Variants in TULP3 observed in about 807,000 individuals in gnomAD.
TULP3 encodes TUB like protein 3.
In TULP3, 38 loss-of-function variants were observed where a neutral mutation model predicts 50.7. That is an observed-to-expected ratio of 0.75 (90% CI 0.58 to 0.98). TULP3 has a LOEUF of 0.98. Among genes scored for constraint, TULP3 ranks in the 50% least tolerant of loss-of-function variants. The pLI, the probability that TULP3 is intolerant of heterozygous loss-of-function variation, is 0.00. For synonymous variants in TULP3, 183 were observed against 196.6 expected (o/e 0.93, Z 0.58); for missense variants, 550 against 568.0 (o/e 0.97, Z 0.32).
intron 1 of TULP3, among the ~76,000 whole-genome samples, chr12:2,908,528 C>T (rs1226921622): frequency 2.6e-5 from 4 of 152,042 alleles, no homozygotes; most frequent in Non-Finnish European, 5.9e-5. Context: ...CCGGTTCAAG[C>T]GATTCTCCTG....
intron 1 of TULP3, among the ~76,000 whole-genome samples, chr12:2,897,580 G>A (rs1040247062): frequency 6.6e-6 from 1 of 151,708 alleles, no homozygotes; most frequent in Admixed American, 6.6e-5. Flanking sequence ...AGACCAGCCT[G>A]GGCAACATAG....
In TULP3 at chr12:2,916,640, C is replaced by A. The variant is rs1474903541; in HGVS notation, c.94-4123C>A. Among the ~76,000 whole-genome samples the A allele has an allele frequency of 1.3e-5, 2 of 152,112 alleles. 1 individual carries two copies. The highest frequency in any genetic ancestry group is 2.9e-5 in the Non-Finnish European group (2 of 68,036). ...AATGAGTCCTTCATTGATGTAGCCT[C>A]GTTTAAAGCACTTTTAGGTTTTCAG... On this transcript the variant is annotated intron_variant, in intron 2 of 10. Coordinates refer to ENST00000448120, the MANE Select transcript of TULP3 (RefSeq NM_003324.5).
chr12:2,929,675 C>T (rs1222281822), intron 4 of TULP3, among the ~76,000 whole-genome samples: 3 of 152,000 alleles, frequency 2.0e-5, no homozygotes, highest in Non-Finnish European at 2.9e-5. Context: ...GCTGCAAGCT[C>T]CGCCTCCCAG....
intron 8 of TULP3, among the ~76,000 whole-genome samples, chr12:2,937,052 G>A (rs1478925801): frequency 6.6e-6 from 1 of 151,412 alleles, no homozygotes; most frequent in Non-Finnish European, 1.5e-5. Context: ...GTTGCAGTGA[G>A]CTGAGATTGT....
intron 1 of TULP3, among the ~76,000 whole-genome samples, chr12:2,899,907 C>A (rs12825920): frequency 0.023 from 866 of 36,980 alleles, 51 homozygotes; most frequent in African/African-American, 0.059. Flanking sequence ...AAAAAACAAA[C>A]AAAAAAAAAA....
At position 2,890,958 on chromosome 12, in the gene TULP3, C is replaced by T. The variant is rs777546129; in HGVS notation, c.11C>T (p.Ser4Leu). Residue 4 changes from serine to leucine, a missense_variant, in exon 1 of 11, where the codon TCG (serine) becomes TTG (leucine). Coordinates refer to ENST00000448120, the MANE Select transcript of TULP3 (RefSeq NM_003324.5). MEASRCRLSPSGDS... is the reference protein window; with the variant it reads MEALRCRLSPSGDS... ...TCCTCGGTGGCGGGCATGGAGGCTT[C>T]GCGCTGCCGGCTCAGTCCCAGCGGC... 2.5e-6 allele frequency: 4 copies of T among 1,595,576 alleles called. No individual in the cohort carries two copies. In the East Asian group the frequency reaches 6.9e-5, roughly 28 times the overall value.
intron 4 of TULP3, 53 bp from the exon 5 acceptor site, chr12:2,930,195 A>G: frequency 8.0e-7 from 1 of 1,243,986 alleles, no homozygotes; most frequent in Non-Finnish European, 1.1e-6. Flanking sequence ...TTTGTTTCAA[A>G]GACCTTTTTT....
intron 2 of TULP3, among the ~76,000 whole-genome samples, chr12:2,917,357 C>T (rs984545286): frequency 6.6e-6 from 1 of 151,718 alleles, no homozygotes; most frequent in African/African-American, 2.4e-5. Flanking sequence ...CTGTAATCCC[C>T]GCTACTCGGG....
chr12:2,906,644 A>G (rs1457569358), intron 1 of TULP3, among the ~76,000 whole-genome samples: 1 of 150,176 alleles, frequency 6.7e-6, no homozygotes. Flanking sequence ...TTTTTTAATT[A>G]AAAAAAAATG....
intron 2 of TULP3, among the ~76,000 whole-genome samples, chr12:2,912,424 A>G (rs988614123): frequency 6.6e-6 from 1 of 152,206 alleles, no homozygotes; most frequent in Admixed American, 6.5e-5. Flanking sequence ...CAAGGGATAC[A>G]GTGCACACCC....
At chr12:2,908,427 T>G (rs2098183625) in intron 1 of TULP3, among the ~76,000 whole-genome samples, 1 of 151,768 alleles carries the variant, frequency 6.6e-6, no homozygotes, top group African/African-American at 2.4e-5. Context: ...AGAGAGAGGT[T>G]GTTTTTTTCT....
chr12:2,929,153 C>T (rs1216572033), intron 4 of TULP3, among the ~76,000 whole-genome samples: 1 of 151,402 alleles, frequency 6.6e-6, no homozygotes, highest in African/African-American at 2.4e-5. Flanking sequence ...CCCGTCTCTA[C>T]TAAAAATACA....
Position 2,894,538 on chromosome 12 carries a change from A to AACACACACACACAC in TULP3, c.41+3565_41+3578dup, listed in dbSNP as rs56834874. Among the ~76,000 whole-genome samples, 363 of 147,820 alleles carry AACACACACACACAC rather than the reference A, an allele frequency of 2.5e-3. 2 individuals are homozygous for AACACACACACACAC. Among genetic ancestry groups the AACACACACACACAC allele is most frequent in the African/African-American group, 8.5e-3 (341 of 40,022 alleles). ...TGACAGAGCAAGACTCCGTCTCAAA[A>AACACACACACACAC]ACACACACACACACACACACACACA... is the stretch of plus-strand genomic sequence containing the variant. On this transcript the variant is annotated intron_variant, in intron 1 of 10. Transcript: ENST00000448120.
At chr12:2,906,582 G>C (rs1006304437) in intron 1 of TULP3, among the ~76,000 whole-genome samples, 7 of 151,412 alleles carry the variant, frequency 4.6e-5, no homozygotes, top group African/African-American at 1.7e-4. Flanking sequence ...ACCCACCTTG[G>C]CCTCCCAAAG....
chr12:2,940,832 C>T lies in TULP3; in HGVS notation c.*1388C>T. ...TTTCCATCTCAGGCATGTATCCCACCAAGTGCCTCCCTCACAGCCATGCCC... is the reference window on the plus strand; with the variant it reads ...TTTCCATCTCAGGCATGTATCCCACTAAGTGCCTCCCTCACAGCCATGCCC... On this transcript the variant is annotated 3_prime_UTR_variant, in exon 11 of 11. Coordinates refer to ENST00000448120, the MANE Select transcript of TULP3 (RefSeq NM_003324.5). The T allele has an allele frequency of 1.9e-6, 2 of 1,038,440 alleles. No homozygotes were observed. Among genetic ancestry groups the T allele is most frequent in the South Asian group, 3.3e-5 (2 of 60,564 alleles). 64.3% of individuals were successfully genotyped at this position (1,038,440 alleles called of 1,614,324 possible).
At chr12:2,923,258 A>G (rs2098192815) in intron 4 of TULP3, among the ~76,000 whole-genome samples, 1 of 152,262 alleles carries the variant, frequency 6.6e-6, no homozygotes, top group Non-Finnish European at 1.5e-5. Context: ...ACTTTGCATT[A>G]GGCAAACATT....
intron 4 of TULP3, among the ~76,000 whole-genome samples, chr12:2,927,200 C>T (rs990593417): frequency 2.0e-5 from 3 of 152,104 alleles, no homozygotes; most frequent in Admixed American, 1.3e-4. Context: ...AACAAGTGTC[C>T]GTACTCCATT....
rs1345789473 is a variant in TULP3, at chr12:2,939,599, A to T, written c.*155A>T. The T allele has an allele frequency of 1.6e-6, 2 of 1,224,024 alleles. No individual in the cohort carries two copies. The highest frequency in any genetic ancestry group is 2.2e-6 in the Non-Finnish European group (2 of 911,700). 75.8% of individuals were successfully genotyped at this position (1,224,024 alleles called of 1,614,324 possible). ...ATAAAACACACACACAAAGAGCAAT[A>T]GTTTGCCCCTTTTGGAACGACCCCT... On this transcript the variant is annotated 3_prime_UTR_variant, in exon 11 of 11. Coordinates refer to ENST00000448120, the MANE Select transcript of TULP3 (RefSeq NM_003324.5). The surrounding 1 kb of genome is among the most constrained non-coding windows in gnomAD (Gnocchi z 4.0).
At chr12:2,921,856 G>T (rs1425050885) in intron 3 of TULP3, among the ~76,000 whole-genome samples, 1 of 152,144 alleles carries the variant, frequency 6.6e-6, no homozygotes, top group Non-Finnish European at 1.5e-5. Flanking sequence ...GGCCAGAAAG[G>T]CAGATCACTT....
Sources: allele counts gnomAD v4.1 joint callset (sites outside exome capture counted in the v4.1 genomes callset), GRCh38; gene constraint gnomAD v4.1.1; non-coding constraint Gnocchi (gnomAD v3.1); transcripts MANE v1.5; gene names NCBI Gene and HGNC (gene_info 2026-07-23, HGNC 2026-07-21).